The following GDI2 variants were observed in gnomAD, a reference collection of about 807,000 sequenced individuals.
GDI2 encodes the protein rab GDP dissociation inhibitor beta.
In GDI2, 22 loss-of-function variants were observed where a neutral mutation model predicts 54.2. That is an observed-to-expected ratio of 0.41 (90% CI 0.29 to 0.58). GDI2 has a LOEUF of 0.58. GDI2 is among the 20% of genes least tolerant of loss of function. The probability of loss-of-function intolerance (pLI) is 0.35; values close to 1 mark genes in which losing one functional copy is unlikely to be tolerated. For missense variants in GDI2, 422 were observed against 546.0 expected (o/e 0.77, Z 2.26); for synonymous variants, 177 against 182.1 (o/e 0.97, Z 0.23).
chr10:5,793,794 A>G (rs1447681244), intron 4 of GDI2, among the ~76,000 whole-genome samples: 1 of 152,172 alleles, frequency 6.6e-6, no homozygotes, highest in Admixed American at 6.6e-5. Context: ...GCTATTTAAG[A>G]GAGACGCTGA....
At chr10:5,795,810 G>A (rs1841134502) in intron 3 of GDI2, among the ~76,000 whole-genome samples, 1 of 152,132 alleles carries the variant, frequency 6.6e-6, no homozygotes, top group Non-Finnish European at 1.5e-5. Flanking sequence ...ACACCCAGGT[G>A]TGGTGGGACA....
chr10:5,803,233 G>A (rs1246495592), intron 1 of GDI2, among the ~76,000 whole-genome samples: 1 of 152,136 alleles, frequency 6.6e-6, no homozygotes, highest in Non-Finnish European at 1.5e-5. Flanking sequence ...ACCAGTCTGG[G>A]CAACAGGGCA....
intron 4 of GDI2, among the ~76,000 whole-genome samples, chr10:5,786,766 G>A (rs1398948595): frequency 1.3e-5 from 2 of 152,238 alleles, no homozygotes; most frequent in African/African-American, 2.4e-5. Flanking sequence ...TTGCTTTTCC[G>A]CCTCTGTATG....
chr10:5,806,707 G>A (rs1289869755), intron 1 of GDI2, among the ~76,000 whole-genome samples: 2 of 151,952 alleles, frequency 1.3e-5, no homozygotes, highest in African/African-American at 2.4e-5. Context: ...CTTTTGGGGG[G>A]TGGGGGAAGA....
chr10:5,785,705 G>T (rs556796402), intron 5 of GDI2, 147 bp downstream of exon 5: 4 of 612,146 alleles, frequency 6.5e-6, no homozygotes, highest in Admixed American at 5.9e-5. Context: ...TCACTTAAAA[G>T]GTCCCAACAC....
Position 5,813,365 on chromosome 10 carries a change from A to T in GDI2, c.-107T>A. ...TCTTGGGCGCGAAGGAAAGGGGAAG[A>T]GAAAGAGAGGAAAATGGAGCTGGCG... On this transcript the variant is annotated 5_prime_UTR_variant, in exon 1 of 11. Coordinates refer to ENST00000380191, the MANE Select transcript of GDI2 (RefSeq NM_001494.4). 1 of 770,498 alleles carries T rather than the reference A, an allele frequency of 1.3e-6. No individual in the cohort carries two copies. The highest frequency in any genetic ancestry group is 1.6e-5 in the South Asian group (1 of 61,690). The allele number at this position is 770,498 out of a possible 1,614,324, so 47.7% of individuals were successfully genotyped here.
intron 1 of GDI2, among the ~76,000 whole-genome samples, chr10:5,802,387 T>G (rs775023117): frequency 3.6e-4 from 54 of 152,018 alleles, no homozygotes; most frequent in Non-Finnish European, 6.9e-4. Flanking sequence ...GATCACAAGG[T>G]CAGGAGATTG....
intron 1 of GDI2, among the ~76,000 whole-genome samples, chr10:5,804,452 C>A (rs1841333305): frequency 6.6e-6 from 1 of 152,116 alleles, no homozygotes; most frequent in Non-Finnish European, 1.5e-5. Flanking sequence ...AGAAGGCCCT[C>A]ATGCCGTATT....
At position 5,765,982 on chromosome 10, in the gene GDI2, A is replaced by G. The variant is rs755832831; in HGVS notation, c.*24T>C. 1.3e-6 allele frequency: 2 copies of G among 1,545,456 alleles called. No individual in the cohort carries two copies. The highest frequency in any genetic ancestry group is 2.4e-5 in the South Asian group (2 of 81,700). ...TTTGCCAAATTTTAAATGTGTCCTAATTACATAATAACATGTACTGCTGTT... is the reference window on the plus strand; with the variant it reads ...TTTGCCAAATTTTAAATGTGTCCTAGTTACATAATAACATGTACTGCTGTT... On this transcript the variant is annotated 3_prime_UTR_variant, in exon 11 of 11. Transcript: ENST00000380191.
At chr10:5,807,268 C>T (rs769417893) in intron 1 of GDI2, among the ~76,000 whole-genome samples, 30 of 152,130 alleles carry the variant, frequency 2.0e-4, no homozygotes, top group Non-Finnish European at 4.1e-4. Context: ...TAATATTTTT[C>T]CAAAATTACC....
chr10:5,785,073 A>G (rs1015362197), intron 6 of GDI2, 69 bp downstream of exon 6: 3 of 1,033,540 alleles, frequency 2.9e-6, no homozygotes, highest in Non-Finnish European at 4.1e-6. Context: ...TATTTAAACT[A>G]TATCTCATAT....
chr10:5,813,292 G>A lies in GDI2; in HGVS notation c.-34C>T. On this transcript the variant is annotated 5_prime_UTR_variant, in exon 1 of 11. Transcript: ENST00000380191. ...AGGCGCGGACGCAGGACCCGAGCAA[G>A]GAAAAGGCGCAGGGGCTCCGTGACC... 1 of 1,540,726 alleles carries A rather than the reference G, an allele frequency of 6.5e-7. No individual in the cohort carries two copies. The highest frequency in any genetic ancestry group is 8.8e-7 in the Non-Finnish European group (1 of 1,134,582).
chr10:5,783,088 G>A (rs114391050), intron 6 of GDI2, among the ~76,000 whole-genome samples: 1,947 of 152,278 alleles, frequency 0.013, 38 homozygotes, highest in African/African-American at 0.045. Flanking sequence ...GGTGGTTGCT[G>A]GGGATGGGGG....
Position 5,783,227 on chromosome 10 carries a change from A to T in GDI2, c.719+1915T>A, listed in dbSNP as rs551263338. Among the ~76,000 whole-genome samples, 429 of 152,190 alleles carry T rather than the reference A, an allele frequency of 2.8e-3. 2 individuals are homozygous for T. The highest frequency in any genetic ancestry group is 4.1e-3 in the Admixed American group (62 of 15,288). On this transcript the variant is annotated intron_variant, in intron 6 of 10. Transcript: ENST00000380191. Reference sequence around the variant, plus strand: ...TAAATTTATCAAACTGATTTTTTTTAAAATATATATAGTTATAAAATAAAA... The same window carrying T: ...TAAATTTATCAAACTGATTTTTTTTTAAATATATATAGTTATAAAATAAAA...
rs1355812435 is a variant in GDI2, at chr10:5,768,465, TAGTATTGTTAAG to T, written c.820-93_820-82del. ...TCCCATGTTCATAGTTTGGAAGACT[TAGTATTGTTAAG>T]ATATCAAAAACCATCCTCAAGTTCA... On this transcript the variant is annotated intron_variant, in intron 7 of 10. Transcript: ENST00000380191. This position sits in a 1 kb window ranked among gnomAD's most constrained non-coding sequence, Gnocchi z 4.4. 3 of 895,544 alleles carry T rather than the reference TAGTATTGTTAAG, an allele frequency of 3.3e-6. No homozygotes were observed. In the African/African-American group the frequency reaches 5.0e-5, roughly 15 times the overall value. 55.5% of individuals were successfully genotyped at this position (895,544 alleles called of 1,614,324 possible).
At chr10:5,773,556 G>C (rs1317428532) in intron 7 of GDI2, among the ~76,000 whole-genome samples, 1 of 152,106 alleles carries the variant, frequency 6.6e-6, no homozygotes, top group African/African-American at 2.4e-5. Context: ...CAATTTCAAT[G>C]AAAATTTGGG....
rs778266217 is a variant in GDI2, at chr10:5,800,604, C to T, written c.147G>A (p.Leu49=). ...YGGESASITP[L]EDLYKRFKIP... ...AAATTTGACTAACACTTACATCTTCCAATGGTGTTATAGATGCACTCTCTC... is the reference window on the plus strand; with the variant it reads ...AAATTTGACTAACACTTACATCTTCTAATGGTGTTATAGATGCACTCTCTC... The change falls in exon 2 of 11, where the codon TTG becomes TTA. Residue 49 remains leucine, a synonymous_variant. Transcript: ENST00000380191. 11 of 1,474,804 alleles carry T rather than the reference C, an allele frequency of 7.5e-6. No homozygotes were observed. Among genetic ancestry groups the T allele is most frequent in the Non-Finnish European group, 1.0e-5 (11 of 1,052,930 alleles). The allele number at this position is 1,474,804 out of a possible 1,614,324, so 91.4% of individuals were successfully genotyped here.
Position 5,768,175 on chromosome 10 carries a change from C to T in GDI2, c.991+38G>A, listed in dbSNP as rs199949759. 949 of 1,558,364 alleles carry T rather than the reference C, an allele frequency of 6.1e-4. 10 individuals carry two copies. Among genetic ancestry groups the T allele is most frequent in the Non-Finnish European group, 1.1e-4 (120 of 1,132,624 alleles). On this transcript the variant is annotated intron_variant, in intron 8 of 10. Coordinates refer to ENST00000380191, the MANE Select transcript of GDI2 (RefSeq NM_001494.4). This position sits in a 1 kb window ranked among gnomAD's most constrained non-coding sequence, Gnocchi z 4.4. ...AAAACACAAAGCAAATTATATCTTACAAAATTCTACCAACATCTGCTGGTC... is the reference window on the plus strand; with the variant it reads ...AAAACACAAAGCAAATTATATCTTATAAAATTCTACCAACATCTGCTGGTC...
At chr10:5,786,708 T>C (rs1177801411) in intron 4 of GDI2, among the ~76,000 whole-genome samples, 1 of 142,178 alleles carries the variant, frequency 7.0e-6, no homozygotes, top group Non-Finnish European at 1.6e-5. Context: ...AGTCTCCCTT[T>C]GACAACTCTG....
Sources: allele counts gnomAD v4.1 joint callset (sites outside exome capture counted in the v4.1 genomes callset), GRCh38; gene constraint gnomAD v4.1.1; non-coding constraint Gnocchi (gnomAD v3.1); transcripts MANE v1.5; gene names NCBI Gene and HGNC (gene_info 2026-07-23, HGNC 2026-07-21).